Variants in HSD17B12 observed in about 807,000 individuals in gnomAD.
HSD17B12 encodes hydroxysteroid 17-beta dehydrogenase 12.
A neutral mutation model predicts 39.3 loss-of-function variants in HSD17B12; 32 were observed. The ratio of observed to expected loss-of-function variants is 0.81; its 90% CI spans 0.61 to 1.09. The LOEUF (loss-of-function observed/expected upper bound fraction) is 1.09, where lower values mean the gene tolerates loss of function less well. Ranked by LOEUF, HSD17B12 falls within the 50% of genes least tolerant of loss-of-function variation. The pLI, the probability that HSD17B12 is intolerant of heterozygous loss-of-function variation, is 0.00. For synonymous variants in HSD17B12, 150 were observed against 146.7 expected, an observed-to-expected ratio of 1.02 and a Z score of -0.16; for missense variants, 342 against 382.9, an observed-to-expected ratio of 0.89 and a Z score of 0.89.
At chr11:43,656,148 C>G in the HSD17B12 span, among the ~76,000 whole-genome samples, 1 of 152,146 alleles carries the variant, frequency 6.6e-6, no homozygotes, top group Non-Finnish European at 1.5e-5. Flanking sequence ...GTGTATGTGT[C>G]AAGGAATTTA....
At chr11:43,717,758 T>C (rs1458865625) in intron 1 of HSD17B12, among the ~76,000 whole-genome samples, 1 of 152,076 alleles carries the variant, frequency 6.6e-6, no homozygotes, top group Non-Finnish European at 1.5e-5. Context: ...CTTAAGGCCT[T>C]GATCTGAAAG....
chr11:43,753,979 G>A lies in HSD17B12; in HGVS notation c.208-67G>A, dbSNP rs891985226. ...CTGGACAGGTTTTCTTAAAATGGGG[G>A]TTATAGCTCATTAATGTTTTTCAGT... On this transcript the variant is annotated intron_variant, in intron 2 of 10. Transcript: ENST00000278353. 5 of 999,058 alleles carry A rather than the reference G, an allele frequency of 5.0e-6. No individual in the cohort carries two copies. In the African/African-American group the frequency reaches 8.1e-5, roughly 16 times the overall value. The allele number at this position is 999,058 out of a possible 1,614,324, so 61.9% of individuals were successfully genotyped here. A position where few individuals can be genotyped will look rare whatever the true frequency, so the allele number is the denominator to read the frequency against.
chr11:43,786,832 C>T (rs551327419), intron 3 of HSD17B12, among the ~76,000 whole-genome samples: 2 of 152,274 alleles, frequency 1.3e-5, no homozygotes, highest in African/African-American at 4.8e-5. Flanking sequence ...AGTCAATGCT[C>T]AGAAATTGAT....
the HSD17B12 span, among the ~76,000 whole-genome samples, chr11:43,667,709 T>C: frequency 6.6e-6 from 1 of 152,184 alleles, no homozygotes. Context: ...TTTCATATAA[T>C]ATTTTAAATA....
At chr11:43,704,782 A>G (rs956962104) in intron 1 of HSD17B12, among the ~76,000 whole-genome samples, 5 of 152,178 alleles carry the variant, frequency 3.3e-5, no homozygotes, top group Non-Finnish European at 7.3e-5. Flanking sequence ...TTATGTGAGG[A>G]TGGGATGGAT....
the HSD17B12 span, chr11:43,646,118 C>T: frequency 1.3e-5 from 2 of 152,308 alleles, no homozygotes; most frequent in Non-Finnish European, 2.9e-5. Context: ...TGTACTCCAC[C>T]CCTCCAACCT....
the HSD17B12 span, among the ~76,000 whole-genome samples, chr11:43,653,430 T>C: frequency 6.6e-6 from 1 of 152,196 alleles, no homozygotes; most frequent in Non-Finnish European, 1.5e-5. Context: ...CTTTAAGTTT[T>C]AGGGTACATG....
At chr11:43,650,409 C>A in the HSD17B12 span, among the ~76,000 whole-genome samples, 1 of 152,150 alleles carries the variant, frequency 6.6e-6, no homozygotes, top group Non-Finnish European at 1.5e-5. Flanking sequence ...ATTAGAGCAA[C>A]AATAAAGTAT....
the HSD17B12 span, among the ~76,000 whole-genome samples, chr11:43,623,387 G>GTT: frequency 3.9e-4 from 58 of 147,772 alleles, no homozygotes; most frequent in Non-Finnish European, 4.9e-4. Context: ...TTAAAGGTTT[G>GTT]TTTTTTTTGT....
chr11:43,769,595 T>TA (rs1950630453), intron 3 of HSD17B12, among the ~76,000 whole-genome samples: 3 of 152,234 alleles, frequency 2.0e-5, no homozygotes, highest in South Asian at 4.1e-4. Context: ...GGTATTAATC[T>TA]AAAATCTCAA....
the HSD17B12 span, among the ~76,000 whole-genome samples, chr11:43,617,780 T>A: frequency 6.6e-6 from 1 of 152,108 alleles, no homozygotes; most frequent in Non-Finnish European, 1.5e-5. Context: ...GTGCCCGTTC[T>A]ACAGGAATCA....
intron 1 of HSD17B12, among the ~76,000 whole-genome samples, chr11:43,702,485 T>C (rs1949973718): frequency 6.6e-6 from 1 of 152,242 alleles, no homozygotes. Context: ...ATGTTCCTGC[T>C]ATACCCAGTT....
chr11:43,828,541 A>G (rs2135106123), intron 6 of HSD17B12, among the ~76,000 whole-genome samples: 1 of 150,320 alleles, frequency 6.7e-6, no homozygotes, highest in East Asian at 1.9e-4. Flanking sequence ...CATGTTTACT[A>G]CTACTTGTCT....
At chr11:43,849,288 G>C (rs1951508926) in intron 9 of HSD17B12, among the ~76,000 whole-genome samples, 1 of 151,946 alleles carries the variant, frequency 6.6e-6, no homozygotes, top group African/African-American at 2.4e-5. Flanking sequence ...CTGGGTGACA[G>C]AGCGAGACTA....
chr11:43,636,587 C>A, the HSD17B12 span, among the ~76,000 whole-genome samples: 1 of 151,666 alleles, frequency 6.6e-6, no homozygotes, highest in South Asian at 2.1e-4. Flanking sequence ...GGGTCCAGAT[C>A]TATTTTTTTT....
intron 1 of HSD17B12, among the ~76,000 whole-genome samples, chr11:43,739,934 G>A (rs1249232108): frequency 6.6e-6 from 1 of 152,196 alleles, no homozygotes; most frequent in Non-Finnish European, 1.5e-5. Flanking sequence ...AGGCAGGGAA[G>A]TGAAGTTCAG....
At chr11:43,650,135 C>T in the HSD17B12 span, among the ~76,000 whole-genome samples, 1 of 152,100 alleles carries the variant, frequency 6.6e-6, no homozygotes, top group Admixed American at 6.5e-5. Context: ...TTTGTTTTGC[C>T]ATGACAGATA....
rs540381294 is a variant in HSD17B12 at position 43,714,143 on chromosome 11, C to A, written c.160+33156C>A. Among the ~76,000 whole-genome samples, 14 of 152,302 alleles carry A rather than the reference C, an allele frequency of 9.2e-5. No homozygotes were observed. The East Asian group carries it at 1.9e-3, about 21-fold the overall frequency. ...TTTGGTTTAATTAGATCCCATTTGT[C>A]AATTTTGGCTTTTGTTGCCATTGCT... On this transcript the variant is annotated intron_variant, in intron 1 of 10. Transcript: ENST00000278353.
At chr11:43,608,927 AC>A in the HSD17B12 span, among the ~76,000 whole-genome samples, 2 of 151,556 alleles carry the variant, frequency 1.3e-5, no homozygotes, top group South Asian at 2.1e-4. Flanking sequence ...CATATGCACA[AC>A]CCCCCAACCT....
Sources: allele counts gnomAD v4.1 joint callset (sites outside exome capture counted in the v4.1 genomes callset), GRCh38; gene constraint gnomAD v4.1.1; transcripts MANE v1.5; gene names NCBI Gene and HGNC (gene_info 2026-07-23, HGNC 2026-07-21).